Variants in DOCK2 observed in about 807,000 individuals in gnomAD.
DOCK2 encodes the protein dedicator of cytokinesis protein 2.
DOCK2 carries 87 observed loss-of-function variants against 248.9 expected under a neutral mutation model. The ratio of observed to expected loss-of-function variants is 0.35; its 90% CI spans 0.29 to 0.42. DOCK2 has a LOEUF of 0.42. Ranked by LOEUF, DOCK2 falls within the 10% of genes least tolerant of loss-of-function variation. The probability of loss-of-function intolerance (pLI) is 1.00; values close to 1 mark genes in which losing one functional copy is unlikely to be tolerated. For missense variants in DOCK2, 1,747 were observed against 2,300.2 expected, an observed-to-expected ratio of 0.76 and a Z score of 4.92; for synonymous variants, 805 against 821.6, an observed-to-expected ratio of 0.98 and a Z score of 0.35.
chr5:169,707,265 A>G (rs1331085381), intron 14 of DOCK2, among the ~76,000 whole-genome samples: 1 of 152,086 alleles, frequency 6.6e-6, no homozygotes, highest in Admixed American at 6.6e-5. Context: ...TCTGAGGGTG[A>G]TTTTTATGGC....
chr5:169,642,916 G>T (rs1165271288), intron 1 of DOCK2, among the ~76,000 whole-genome samples: 3 of 152,008 alleles, frequency 2.0e-5, no homozygotes, highest in Non-Finnish European at 4.4e-5. Context: ...TCACCATACT[G>T]CTCCGCTAAT....
chr5:170,041,472 A>G (rs753024537), intron 37 of DOCK2, among the ~76,000 whole-genome samples: 27 of 152,306 alleles, frequency 1.8e-4, no homozygotes, highest in Non-Finnish European at 2.6e-4. Context: ...TGTAGCTGGG[A>G]AAAAAATCAG....
intron 27 of DOCK2, among the ~76,000 whole-genome samples, chr5:169,974,279 A>G (rs35690190): frequency 0.24 from 35,834 of 152,200 alleles, 4,749 homozygotes; most frequent in Non-Finnish European, 0.31. Context: ...CTTGACCCAT[A>G]GTAAGTATCC....
At chr5:170,007,593 A>G (rs1416028821) in intron 30 of DOCK2, among the ~76,000 whole-genome samples, 1 of 152,108 alleles carries the variant, frequency 6.6e-6, no homozygotes, top group East Asian at 1.9e-4. Flanking sequence ...TGGATTGTAG[A>G]TCCATGGTTT....
intron 44 of DOCK2, among the ~76,000 whole-genome samples, chr5:170,060,232 C>T (rs967916400): frequency 5.9e-5 from 9 of 152,094 alleles, no homozygotes; most frequent in South Asian, 4.1e-4. Flanking sequence ...CCAAATTCAA[C>T]GTGGTCACTA....
rs959673534 is a variant in DOCK2 at position 170,077,840 on chromosome 5, C to T, written c.4994+3C>T. On this transcript the variant is annotated splice_donor_region_variant and intron_variant, in intron 48 of 51. Coordinates refer to ENST00000520908, the MANE Select transcript of DOCK2 (RefSeq NM_004946.3). The stretch of plus-strand genomic sequence containing the variant: ...CCCAGCAAGCCTACCTCAGAGAGGT[C>T]AGTCCCTGCACCCCAAGGAGCCCCC... 1 of 1,612,180 alleles carries T rather than the reference C, an allele frequency of 6.2e-7. No individual in the cohort carries two copies. The highest frequency in any genetic ancestry group is 8.5e-7 in the Non-Finnish European group (1 of 1,179,708).
intron 22 of DOCK2, among the ~76,000 whole-genome samples, chr5:169,720,105 C>T (rs1762112535): frequency 6.6e-6 from 1 of 152,178 alleles, no homozygotes; most frequent in African/African-American, 2.4e-5. Context: ...AACAAATGCA[C>T]TTAGGTCATT....
intron 50 of DOCK2, 24 bp from the exon 51 acceptor site, chr5:170,081,818 A>C (rs1474223860): frequency 9.9e-6 from 15 of 1,521,448 alleles, no homozygotes; most frequent in African/African-American, 6.4e-5. Flanking sequence ...ACCCATTCAC[A>C]CCCCAGCTCT....
At chr5:169,726,752 G>A (rs1418266005) in intron 22 of DOCK2, among the ~76,000 whole-genome samples, 1 of 152,168 alleles carries the variant, frequency 6.6e-6, no homozygotes, top group Non-Finnish European at 1.5e-5. Flanking sequence ...ATGCATCCCA[G>A]CAATCAAATC....
rs1760592042 is a variant in DOCK2 at position 169,695,910 on chromosome 5, G to C, written c.951G>C (p.Gln317His). 6.2e-7 allele frequency: 1 copy of C among 1,611,894 alleles called. No homozygotes were observed. Among genetic ancestry groups the C allele is most frequent in the Non-Finnish European group, 8.5e-7 (1 of 1,179,122 alleles). Residue 317 changes from glutamine to histidine, a missense_variant, in exon 10 of 52, where the codon CAG (glutamine) becomes CAC (histidine). By Grantham distance (24) the Gln-to-His change is conservative (BLOSUM62 0). Around this residue, in one of 4 missense-constraint regions of DOCK2, gnomAD observed 375 missense variants for 510.9 expected, o/e 0.73. Coordinates refer to ENST00000520908, the MANE Select transcript of DOCK2 (RefSeq NM_004946.3). Reference sequence around the variant, plus strand: ...ATACTGGTGCAAAGAAGTGCACGCAGGGACTGAGGAGGCCCTTTGGGGTGG... The same window carrying C: ...ATACTGGTGCAAAGAAGTGCACGCACGGACTGAGGAGGCCCTTTGGGGTGG... Reference protein sequence around the residue: ...LKDTGAKKCTQGLRRPFGVAV... With the variant: ...LKDTGAKKCTHGLRRPFGVAV...
intron 25 of DOCK2, among the ~76,000 whole-genome samples, chr5:169,802,522 T>C (rs925178412): frequency 2.0e-5 from 3 of 152,068 alleles, no homozygotes; most frequent in Non-Finnish European, 2.9e-5. Flanking sequence ...CAGTTAAAAA[T>C]AACTAAGTTG....
rs569628835 is a variant in DOCK2 at position 170,070,288 on chromosome 5, G to T, written c.4728+1068G>T. On this transcript the variant is annotated intron_variant, in intron 46 of 51. Transcript: ENST00000520908. Reference sequence around the variant, plus strand: ...GTGCAAAGAAAAGCAAGCTTTTGTGGTTGGGAGTTTTTGTTACTCTAGGGA... The same window carrying T: ...GTGCAAAGAAAAGCAAGCTTTTGTGTTTGGGAGTTTTTGTTACTCTAGGGA... Among the ~76,000 whole-genome samples the T allele has an allele frequency of 3.3e-5, 5 of 152,368 alleles. No individual in the cohort carries two copies. The East Asian group carries it at 9.7e-4, about 29-fold the overall frequency.
chr5:169,843,607 A>G (rs1409317733), intron 27 of DOCK2, among the ~76,000 whole-genome samples: 1 of 152,240 alleles, frequency 6.6e-6, no homozygotes, highest in Non-Finnish European at 1.5e-5. Flanking sequence ...GAAAGTGTTC[A>G]GTTTGACGAG....
At chr5:169,715,370 T>TA (rs2113542259) in intron 19 of DOCK2, among the ~76,000 whole-genome samples, 1 of 152,234 alleles carries the variant, frequency 6.6e-6, no homozygotes, top group South Asian at 2.1e-4. Context: ...GACCCATCCC[T>TA]TAGGAGGGAG....
chr5:170,037,656 T>C (rs2113840145), intron 36 of DOCK2, among the ~76,000 whole-genome samples: 1 of 152,090 alleles, frequency 6.6e-6, no homozygotes, highest in Non-Finnish European at 1.5e-5. Context: ...CTGGCTAATT[T>C]TGTATTTTTA....
chr5:169,878,102 T>C (rs1321860509), intron 27 of DOCK2, among the ~76,000 whole-genome samples: 3 of 152,210 alleles, frequency 2.0e-5, no homozygotes, highest in Non-Finnish European at 4.4e-5. Flanking sequence ...CTGCTGACTA[T>C]TTTTAGCATA....
chr5:169,764,844 T>TTTGTTGTTGTTGTTGTTGTTGTTG lies in DOCK2; in HGVS notation c.2554+3225_2554+3248dup, dbSNP rs10636919. Among the ~76,000 whole-genome samples the TTTGTTGTTGTTGTTGTTGTTGTTG allele has an allele frequency of 6.6e-5, 10 of 150,950 alleles. No individual in the cohort carries two copies. The highest frequency in any genetic ancestry group is 2.4e-4 in the African/African-American group (10 of 40,828). On this transcript the variant is annotated intron_variant, in intron 25 of 51. Transcript: ENST00000520908. The surrounding 1 kb of genome is among the most constrained non-coding windows in gnomAD (Gnocchi z 4.3). The stretch of plus-strand genomic sequence containing the variant: ...GCTCTCCATTCTGACTTTGAACGTG[T>TTTGTTGTTGTTGTTGTTGTTGTTG]TTGTTGTTGTTGTTGTTGTTGTTGT...
chr5:169,657,841 T>C (rs1758209224), intron 2 of DOCK2, among the ~76,000 whole-genome samples: 1 of 152,204 alleles, frequency 6.6e-6, no homozygotes, highest in South Asian at 2.1e-4. Context: ...AGTCATGTAG[T>C]TGAGGAATGA....
intron 2 of DOCK2, among the ~76,000 whole-genome samples, chr5:169,655,867 G>C (rs1039655886): frequency 5.3e-5 from 8 of 152,156 alleles, no homozygotes; most frequent in Non-Finnish European, 1.2e-4. Flanking sequence ...TGAGAACTTT[G>C]TTCATCTTCC....
Sources: allele counts gnomAD v4.1 joint callset (sites outside exome capture counted in the v4.1 genomes callset), GRCh38; gene constraint gnomAD v4.1.1; regional missense constraint gnomAD v4.1.1; non-coding constraint Gnocchi (gnomAD v3.1); transcripts MANE v1.5; gene names NCBI Gene and HGNC (gene_info 2026-07-23, HGNC 2026-07-21).